The following FBXO10 variants were observed in gnomAD, a reference collection of about 807,000 sequenced individuals.
The protein encoded by FBXO10 is F-box protein 10.
FBXO10 carries 39 observed loss-of-function variants against 80.7 expected under a neutral mutation model. That is an observed-to-expected ratio of 0.48 (90% CI 0.37 to 0.63). FBXO10 has a LOEUF of 0.63. FBXO10 is among the 30% of genes least tolerant of loss of function. The probability of loss-of-function intolerance (pLI) is 0.00; values close to 1 mark genes in which losing one functional copy is unlikely to be tolerated. For missense variants in FBXO10, 1,025 were observed against 1,269.0 expected (o/e 0.81, Z 2.92); for synonymous variants, 449 against 489.6 (o/e 0.92, Z 1.09).
intron 1 of FBXO10, among the ~76,000 whole-genome samples, chr9:37,569,755 G>A (rs1245677284): frequency 6.6e-6 from 1 of 152,178 alleles, no homozygotes; most frequent in African/African-American, 2.4e-5. Context: ...AGGATTGCTT[G>A]AGCCAGGAGT....
intron 1 of FBXO10, among the ~76,000 whole-genome samples, chr9:37,557,475 T>C (rs1822366548): frequency 6.6e-6 from 1 of 152,222 alleles, no homozygotes; most frequent in African/African-American, 2.4e-5. Context: ...GTGGGGTAGA[T>C]GCAGTTCAGC....
At chr9:37,517,832 A>G (rs1242489714) in intron 9 of FBXO10, among the ~76,000 whole-genome samples, 2 of 152,210 alleles carry the variant, frequency 1.3e-5, no homozygotes, top group Non-Finnish European at 2.9e-5. Context: ...CCTGACCTTG[A>G]CCCGGAGACC....
Position 37,522,838 on chromosome 9 carries a change from T to C in FBXO10, c.1917A>G (p.Gly639=). 6.4e-7 allele frequency: 1 copy of C among 1,552,144 alleles called. No individual in the cohort carries two copies. The highest frequency in any genetic ancestry group is 8.7e-7 in the Non-Finnish European group (1 of 1,147,182). Residue 639 remains glycine (G), a synonymous_variant, in exon 7 of 11, where the codon GGA becomes GGG. Transcript: ENST00000432825. ...VGDEGKGLIE[G]NTIYANKGCG... ...CAAGCTCCTCACCGTAGATGGTATT[T>C]CCTTCTATGAGGCCTTTGCCTTCGT... is the stretch of plus-strand genomic sequence containing the variant.
At chr9:37,538,383 C>T (rs1186210162) in intron 2 of FBXO10, among the ~76,000 whole-genome samples, 1 of 152,156 alleles carries the variant, frequency 6.6e-6, no homozygotes, top group Non-Finnish European at 1.5e-5. Flanking sequence ...AGGTATACTG[C>T]CATTGCCAGG....
At chr9:37,561,066 C>T (rs1429412025) in intron 1 of FBXO10, among the ~76,000 whole-genome samples, 1 of 151,964 alleles carries the variant, frequency 6.6e-6, no homozygotes, top group Non-Finnish European at 1.5e-5. Context: ...GGTGTGAACC[C>T]AGGAGGCGGG....
intron 1 of FBXO10, among the ~76,000 whole-genome samples, chr9:37,563,426 T>C (rs569769840): frequency 6.6e-6 from 1 of 152,126 alleles, no homozygotes; most frequent in African/African-American, 2.4e-5. Flanking sequence ...TTTGGAGGGC[T>C]CGGAAGAAGA....
At chr9:37,570,732 C>T (rs1249365093) in intron 1 of FBXO10, among the ~76,000 whole-genome samples, 1 of 152,104 alleles carries the variant, frequency 6.6e-6, no homozygotes, top group Non-Finnish European at 1.5e-5. Context: ...CGGTGGCTCA[C>T]GCCTGTAATC....
chr9:37,560,682 A>C (rs902287796), intron 1 of FBXO10, among the ~76,000 whole-genome samples: 2 of 151,564 alleles, frequency 1.3e-5, no homozygotes, highest in Admixed American at 1.3e-4. Flanking sequence ...CCGTTTTACC[A>C]CTGGGGCCTC....
intron 4 of FBXO10, 130 bp from the exon 5 acceptor site, chr9:37,529,390 A>G: frequency 1.0e-6 from 1 of 983,140 alleles, no homozygotes; most frequent in Non-Finnish European, 1.5e-6. Context: ...TAAGAGCCCT[A>G]GCCCGTGACA....
intron 6 of FBXO10, 118 bp downstream of exon 6, chr9:37,524,980 CCAGT>C: frequency 1.2e-6 from 1 of 823,192 alleles, no homozygotes; most frequent in East Asian, 2.7e-5. Flanking sequence ...CTCCAGCCCA[CCAGT>C]CAGAGAAAGA....
chr9:37,532,651 T>C (rs2119098921), intron 3 of FBXO10, among the ~76,000 whole-genome samples: 1 of 152,286 alleles, frequency 6.6e-6, no homozygotes, highest in South Asian at 2.1e-4. Flanking sequence ...TGGCCCACAC[T>C]GGTCCTTTAA....
intron 1 of FBXO10, among the ~76,000 whole-genome samples, chr9:37,574,429 C>T (rs1822843130): frequency 1.3e-5 from 2 of 152,170 alleles, no homozygotes; most frequent in African/African-American, 4.8e-5. Context: ...CCCCTGATAA[C>T]CACGGCAACC....
At chr9:37,558,599 A>G (rs1822394013) in intron 1 of FBXO10, among the ~76,000 whole-genome samples, 2 of 152,172 alleles carry the variant, frequency 1.3e-5, no homozygotes, top group African/African-American at 4.8e-5. Context: ...ACCATCCAAT[A>G]TGCAGCACAA....
At chr9:37,548,214 A>G (rs1822106259) in intron 1 of FBXO10, among the ~76,000 whole-genome samples, 1 of 151,112 alleles carries the variant, frequency 6.6e-6, no homozygotes, top group African/African-American at 2.4e-5. Flanking sequence ...GTGAAACCCC[A>G]CCTCTACTAA....
chr9:37,519,055 A>T (rs375824824), intron 8 of FBXO10, among the ~76,000 whole-genome samples: 12 of 151,380 alleles, frequency 7.9e-5, no homozygotes, highest in African/African-American at 2.9e-4. Context: ...GACTACAGGC[A>T]CCCGCCACCA....
chr9:37,573,382 C>G (rs1367184131), intron 1 of FBXO10, among the ~76,000 whole-genome samples: 1 of 152,108 alleles, frequency 6.6e-6, no homozygotes, highest in Non-Finnish European at 1.5e-5. Context: ...AATGGCTGAG[C>G]ACGCAAGCAT....
intron 5 of FBXO10, among the ~76,000 whole-genome samples, chr9:37,528,197 G>A (rs949604752): frequency 6.6e-6 from 1 of 152,106 alleles, no homozygotes; most frequent in Non-Finnish European, 1.5e-5. Flanking sequence ...GCCTCAGCTT[G>A]GTCTACATAA....
intron 1 of FBXO10, among the ~76,000 whole-genome samples, chr9:37,549,433 C>T (rs1360176263): frequency 1.3e-5 from 2 of 152,136 alleles, no homozygotes; most frequent in Non-Finnish European, 2.9e-5. Flanking sequence ...TTGCAAGCCC[C>T]CTAAAAGCCT....
At chr9:37,552,209 A>C (rs945573507) in intron 1 of FBXO10, among the ~76,000 whole-genome samples, 2 of 152,198 alleles carry the variant, frequency 1.3e-5, no homozygotes, top group African/African-American at 2.4e-5. Context: ...CATGTCAATG[A>C]AGGATTTTCC....
Sources: allele counts gnomAD v4.1 joint callset (sites outside exome capture counted in the v4.1 genomes callset), GRCh38; gene constraint gnomAD v4.1.1; transcripts MANE v1.5; gene names NCBI Gene and HGNC (gene_info 2026-07-23, HGNC 2026-07-21).